The following OSBPL10 variants were observed in gnomAD, a reference collection of about 807,000 sequenced individuals.
OSBPL10 encodes oxysterol-binding protein-related protein 10.
In OSBPL10, 49 loss-of-function variants were observed where a neutral mutation model predicts 81.7. The observed-to-expected ratio is 0.60, with a 90% CI of 0.48 to 0.76. OSBPL10 has a LOEUF of 0.76. OSBPL10 is among the 30% of genes least tolerant of loss of function. The pLI is 0.00. For missense variants in OSBPL10, 923 were observed against 987.8 expected (o/e 0.93, Z 0.88); for synonymous variants, 419 against 383.6 (o/e 1.09, Z -1.08).
At chr3:32,037,332 G>A (rs1370862148) in intron 2 of OSBPL10, among the ~76,000 whole-genome samples, 4 of 152,086 alleles carry the variant, frequency 2.6e-5, no homozygotes, top group African/African-American at 9.7e-5. Context: ...ATGAAAACAG[G>A]AAAAAAGTTT....
At chr3:31,798,291 G>A (rs558529813) in intron 4 of OSBPL10, among the ~76,000 whole-genome samples, 19 of 152,130 alleles carry the variant, frequency 1.2e-4, no homozygotes, top group African/African-American at 3.1e-4. Context: ...TTAGCTGGGC[G>A]TGGTGGCAGG....
At chr3:31,784,545 C>A (rs1295078047) in intron 4 of OSBPL10, among the ~76,000 whole-genome samples, 1 of 152,136 alleles carries the variant, frequency 6.6e-6, no homozygotes, top group African/African-American at 2.4e-5. Context: ...GTGTTATTTA[C>A]AATTGCAAAA....
chr3:31,898,462 T>A (rs1344326909), intron 1 of OSBPL10, among the ~76,000 whole-genome samples: 1 of 151,962 alleles, frequency 6.6e-6, no homozygotes, highest in Non-Finnish European at 1.5e-5. Context: ...TAGAAACTGC[T>A]GGCCACACAT....
At chr3:31,693,384 C>T (rs1695614592) in intron 7 of OSBPL10, among the ~76,000 whole-genome samples, 2 of 152,340 alleles carry the variant, frequency 1.3e-5, no homozygotes, top group Admixed American at 1.3e-4. Context: ...TTCACTATAT[C>T]ATCACCTATA....
At chr3:31,675,143 G>GTGGTT (rs2125525589) in intron 8 of OSBPL10, among the ~76,000 whole-genome samples, 1 of 150,474 alleles carries the variant, frequency 6.6e-6, no homozygotes, top group African/African-American at 2.5e-5. Flanking sequence ...TTCCTATTTT[G>GTGGTT]TGGTTCACCC....
At chr3:32,032,703 C>G (rs7612935) in intron 2 of OSBPL10, among the ~76,000 whole-genome samples, 61,391 of 152,000 alleles carry the variant, frequency 0.4, 15,064 homozygotes, top group Non-Finnish European at 0.56. Flanking sequence ...TTCTATTGAA[C>G]AGTTGACTTA....
intron 6 of OSBPL10, among the ~76,000 whole-genome samples, chr3:31,706,581 G>A (rs532061167): frequency 6.6e-6 from 1 of 152,192 alleles, no homozygotes; most frequent in South Asian, 2.1e-4. Context: ...ATGCCACCGA[G>A]GCCAAAGCCA....
At position 31,951,866 on chromosome 3, in the gene OSBPL10, A is replaced by G. The variant is rs77008899; in HGVS notation, c.281+29033T>C. On this transcript the variant is annotated intron_variant, in intron 1 of 11. Coordinates refer to ENST00000396556, the MANE Select transcript of OSBPL10 (RefSeq NM_017784.5). ...AAGCTTTTCATTAACTTTAAAACCC[A>G]TGCTTTAACACCGTGCTATACTCTT... 0.017 allele frequency among the ~76,000 whole-genome samples: 2,611 copies of G among 152,198 alleles called. 173 individuals are homozygous for G. The East Asian group carries it at 0.22, about 13-fold the overall frequency.
Position 31,965,458 on chromosome 3 carries a change from ATT to A in OSBPL10, c.281+15439_281+15440del, listed in dbSNP as rs1491587075. On this transcript the variant is annotated intron_variant, in intron 1 of 11. Transcript: ENST00000396556. The stretch of plus-strand genomic sequence containing the variant: ...TATAATATATATTATATAATATATA[ATT>A]TATATAATATATATTATATATTATC... Among the ~76,000 whole-genome samples the A allele has an allele frequency of 2.3e-4, 14 of 60,172 alleles. 1 individual carries two copies. Among genetic ancestry groups the A allele is most frequent in the African/African-American group, 1.9e-3 (9 of 4,792 alleles). The allele number at this position is 60,172 out of a possible 152,430, so 39.5% of individuals were successfully genotyped here.
At chr3:31,821,715 T>C (rs2125507578) in intron 4 of OSBPL10, among the ~76,000 whole-genome samples, 1 of 152,306 alleles carries the variant, frequency 6.6e-6, no homozygotes, top group African/African-American at 2.4e-5. Flanking sequence ...ATTAAGGACC[T>C]TTTAAAAACT....
At chr3:31,978,119 CTG>C (rs1431621317) in intron 1 of OSBPL10, among the ~76,000 whole-genome samples, 1 of 152,164 alleles carries the variant, frequency 6.6e-6, no homozygotes, top group African/African-American at 2.4e-5. Flanking sequence ...AGGGTACAAA[CTG>C]TTAGTGGGTG....
intron 4 of OSBPL10, among the ~76,000 whole-genome samples, chr3:31,749,192 T>C (rs1397907561): frequency 6.6e-6 from 1 of 152,236 alleles, no homozygotes; most frequent in East Asian, 1.9e-4. Context: ...ATGTCACCAG[T>C]GGGAAGAAGC....
At chr3:31,844,353 C>A (rs1026220229) in intron 3 of OSBPL10, among the ~76,000 whole-genome samples, 18 of 152,146 alleles carry the variant, frequency 1.2e-4, no homozygotes, top group Non-Finnish European at 2.4e-4. Context: ...TACATATACA[C>A]AAATGTTTAT....
chr3:31,727,043 G>C (rs2125651324), intron 6 of OSBPL10, among the ~76,000 whole-genome samples: 1 of 152,056 alleles, frequency 6.6e-6, no homozygotes, highest in South Asian at 2.1e-4. Context: ...ATCTTGCCCA[G>C]GTTGGTCTTG....
intron 6 of OSBPL10, chr3:31,708,988 C>T: frequency 3.0e-6 from 3 of 985,478 alleles, no homozygotes; most frequent in Non-Finnish European, 3.6e-6. Flanking sequence ...CATGGAGCCA[C>T]TTCCAAAGCC....
At chr3:31,851,399 G>T (rs902682794) in intron 3 of OSBPL10, among the ~76,000 whole-genome samples, 3 of 152,148 alleles carry the variant, frequency 2.0e-5, no homozygotes, top group African/African-American at 7.2e-5. Context: ...ATCTACCTTT[G>T]ATGAGCAATG....
At chr3:31,859,172 T>G (rs6550077) in intron 3 of OSBPL10, among the ~76,000 whole-genome samples, 148,027 of 152,144 alleles carry the variant, frequency 0.97, 72,159 homozygotes, top group East Asian at 1. Context: ...GGTTTTTTTT[T>G]TTGTTGTTGT....
At chr3:31,751,660 C>T (rs1455149355) in intron 4 of OSBPL10, among the ~76,000 whole-genome samples, 1 of 152,196 alleles carries the variant, frequency 6.6e-6, no homozygotes, top group African/African-American at 2.4e-5. Flanking sequence ...AACCAGGCAC[C>T]TCATGGCTTT....
Position 32,030,752 on chromosome 3 carries a change from C to G in OSBPL10, n.298+15739G>C, listed in dbSNP as rs868207455. On this transcript the variant is annotated intron_variant and non_coding_transcript_variant, in intron 2 of 3. Coordinates refer to the OSBPL10 transcript ENST00000479173. ...TAAATAAAAAATTACTAAGCAAAACCCTTAAGTTACATAAAATATTCTCTG... is the reference window on the plus strand; with the variant it reads ...TAAATAAAAAATTACTAAGCAAAACGCTTAAGTTACATAAAATATTCTCTG... 9.7e-5 allele frequency: 62 copies of G among 637,070 alleles called. 1 individual carries two copies. The highest frequency in any genetic ancestry group is 9.2e-4 in the African/African-American group (50 of 54,240). The allele number at this position is 637,070 out of a possible 1,614,324, so 39.5% of individuals were successfully genotyped here.
Sources: allele counts gnomAD v4.1 joint callset (sites outside exome capture counted in the v4.1 genomes callset), GRCh38; gene constraint gnomAD v4.1.1; transcripts MANE v1.5; gene names NCBI Gene and HGNC (gene_info 2026-07-23, HGNC 2026-07-21).